The following UVRAG variants were observed in gnomAD, a reference collection of about 807,000 sequenced individuals.
UVRAG encodes the protein UV radiation resistance associated.
UVRAG carries 19 observed loss-of-function variants against 78.0 expected under a neutral mutation model. That is an observed-to-expected ratio of 0.24 (90% CI 0.17 to 0.36). UVRAG has a LOEUF of 0.36. Among genes scored for constraint, UVRAG ranks in the 10% least tolerant of loss-of-function variants. The pLI is 1.00. For missense variants in UVRAG, 740 were observed against 853.8 expected (o/e 0.87, Z 1.66); for synonymous variants, 323 against 324.6 (o/e 1.00, Z 0.05).
At chr11:75,860,179 A>G (rs1028278697) in intron 2 of UVRAG, among the ~76,000 whole-genome samples, 6 of 152,234 alleles carry the variant, frequency 3.9e-5, no homozygotes, top group Admixed American at 6.5e-5. Context: ...TGCTGACTTC[A>G]GGTGATCTGC....
intron 14 of UVRAG, among the ~76,000 whole-genome samples, chr11:76,139,538 A>AC (rs1952666155): frequency 6.6e-6 from 1 of 152,012 alleles, no homozygotes; most frequent in Non-Finnish European, 1.5e-5. Context: ...AAGCCACTTA[A>AC]CCCTCTATGC....
intron 6 of UVRAG, among the ~76,000 whole-genome samples, chr11:75,917,169 A>G (rs1473098137): frequency 6.6e-6 from 1 of 152,264 alleles, no homozygotes; most frequent in African/African-American, 2.4e-5. Flanking sequence ...GCCTATGCCC[A>G]GGAATGTACA....
At chr11:76,111,958 GAA>G (rs567913093) in intron 13 of UVRAG, among the ~76,000 whole-genome samples, 1 of 141,312 alleles carries the variant, frequency 7.1e-6, no homozygotes, top group African/African-American at 2.6e-5. Flanking sequence ...AGGGTAAAGT[GAA>G]AAAAAAAAAT....
chr11:76,041,212 T>TGTC (rs1950643291), intron 12 of UVRAG, among the ~76,000 whole-genome samples: 1 of 152,010 alleles, frequency 6.6e-6, no homozygotes, highest in African/African-American at 2.4e-5. Flanking sequence ...ATGGATTTAT[T>TGTC]GGGACAAGAT....
At chr11:76,098,491 A>G (rs1479328747) in intron 13 of UVRAG, among the ~76,000 whole-genome samples, 1 of 152,180 alleles carries the variant, frequency 6.6e-6, no homozygotes, top group Non-Finnish European at 1.5e-5. Context: ...ACCATCTCAT[A>G]TATTTTAAAA....
At chr11:76,105,525 A>T (rs57762630) in intron 13 of UVRAG, among the ~76,000 whole-genome samples, 5,324 of 152,284 alleles carry the variant, frequency 0.035, 306 homozygotes, top group African/African-American at 0.12. Flanking sequence ...AGGCAGGCAG[A>T]TGGCTTGAGT....
At chr11:76,107,072 A>T (rs1056134145) in intron 13 of UVRAG, among the ~76,000 whole-genome samples, 2 of 152,220 alleles carry the variant, frequency 1.3e-5, no homozygotes, top group African/African-American at 4.8e-5. Flanking sequence ...ATTGGAAGTG[A>T]TAGAGACTAC....
At chr11:75,852,786 A>C (rs1334638094) in intron 2 of UVRAG, among the ~76,000 whole-genome samples, 1 of 152,210 alleles carries the variant, frequency 6.6e-6, no homozygotes, top group East Asian at 1.9e-4. Flanking sequence ...GGATCATAAA[A>C]ATCTCAGTAA....
intron 8 of UVRAG, among the ~76,000 whole-genome samples, chr11:75,989,566 G>A (rs1440218733): frequency 6.6e-6 from 1 of 152,190 alleles, no homozygotes; most frequent in Non-Finnish European, 1.5e-5. Flanking sequence ...AAAATCTGAT[G>A]TATGTTATTC....
chr11:76,020,172 G>C (rs1293838585), intron 12 of UVRAG, among the ~76,000 whole-genome samples: 1 of 152,038 alleles, frequency 6.6e-6, no homozygotes, highest in Non-Finnish European at 1.5e-5. Context: ...AAGGCTCAAG[G>C]GCTCTTCAGT....
chr11:75,995,568 G>T (rs1335936206), intron 8 of UVRAG, among the ~76,000 whole-genome samples: 3 of 149,296 alleles, frequency 2.0e-5, no homozygotes, highest in African/African-American at 7.4e-5. Context: ...ATTAGCTTCT[G>T]CTTGGTTAGT....
chr11:75,908,089 C>G (rs751622921), intron 5 of UVRAG, among the ~76,000 whole-genome samples: 8 of 152,178 alleles, frequency 5.3e-5, no homozygotes, highest in Non-Finnish European at 1.2e-4. Context: ...TCTCCCCTAT[C>G]CCCTGGTCCC....
In UVRAG at chr11:76,051,571, A is replaced by AGG. The variant is rs1233806498; in HGVS notation, c.1227-14134_1227-14133dup. Among the ~76,000 whole-genome samples, 3 of 152,198 alleles carry AGG rather than the reference A, an allele frequency of 2.0e-5. No homozygotes were observed. The South Asian group carries it at 6.2e-4, about 32-fold the overall frequency. On this transcript the variant is annotated intron_variant, in intron 12 of 14. Coordinates refer to ENST00000356136, the MANE Select transcript of UVRAG (RefSeq NM_003369.4). Reference sequence around the variant, plus strand: ...CTGCAACTTACAAGTAAAAAAAAGGAGGGGGGATTATTTTTAACCTTCTTA... The same window carrying AGG: ...CTGCAACTTACAAGTAAAAAAAAGGAGGGGGGGGATTATTTTTAACCTTCTTA...
At chr11:75,848,030 TAAA>T (rs1190960958) in intron 1 of UVRAG, among the ~76,000 whole-genome samples, 2 of 130,534 alleles carry the variant, frequency 1.5e-5, no homozygotes, top group Non-Finnish European at 3.3e-5. Context: ...ACTCTGTCTC[TAAA>T]AAAAAAAAAA....
At chr11:75,890,596 A>C (rs1033145281) in intron 5 of UVRAG, among the ~76,000 whole-genome samples, 5 of 152,192 alleles carry the variant, frequency 3.3e-5, no homozygotes, top group Non-Finnish European at 5.9e-5. Context: ...GATCCTGTGG[A>C]GTTTGAGATG....
chr11:75,999,569 C>T (rs1013973770), intron 8 of UVRAG, among the ~76,000 whole-genome samples: 6 of 151,740 alleles, frequency 4.0e-5, no homozygotes, highest in Non-Finnish European at 4.4e-5. Context: ...TTAGTAGAGA[C>T]GGGGTTTCAC....
intron 13 of UVRAG, among the ~76,000 whole-genome samples, chr11:76,074,828 A>G (rs1160849368): frequency 6.6e-6 from 1 of 152,244 alleles, no homozygotes; most frequent in Non-Finnish European, 1.5e-5. Context: ...CAGTGAGTTA[A>G]GTAGAAGAGC....
intron 12 of UVRAG, among the ~76,000 whole-genome samples, chr11:76,042,866 C>T (rs1950676255): frequency 6.6e-6 from 1 of 152,178 alleles, no homozygotes; most frequent in East Asian, 1.9e-4. Context: ...CAGATGAGAG[C>T]TGATTGTGTA....
chr11:76,106,845 A>T (rs1414793581), intron 13 of UVRAG, among the ~76,000 whole-genome samples: 2 of 152,180 alleles, frequency 1.3e-5, no homozygotes, highest in East Asian at 1.9e-4. Context: ...GAACAGCATG[A>T]ATATCTACAT....
Sources: allele counts gnomAD v4.1 joint callset (sites outside exome capture counted in the v4.1 genomes callset), GRCh38; gene constraint gnomAD v4.1.1; transcripts MANE v1.5; gene names NCBI Gene and HGNC (gene_info 2026-07-23, HGNC 2026-07-21).